PDGFD: variants seen among roughly 807,000 people sequenced by gnomAD.
PDGFD encodes the protein platelet-derived growth factor D.
In PDGFD, 30 loss-of-function variants were observed where a neutral mutation model predicts 44.7. That is an observed-to-expected ratio of 0.67 (90% CI 0.50 to 0.91). The LOEUF is 0.91. PDGFD is among the 40% of genes least tolerant of loss of function. PDGFD has a pLI of 0.00. For synonymous variants in PDGFD, 173 were observed against 168.4 expected, an observed-to-expected ratio of 1.03 and a Z score of -0.21; for missense variants, 445 against 457.8, an observed-to-expected ratio of 0.97 and a Z score of 0.25.
chr11:104,095,059 A>G lies in PDGFD; in HGVS notation c.124+68745T>C, dbSNP rs187782545. Among the ~76,000 whole-genome samples, 298 of 152,084 alleles carry G rather than the reference A, an allele frequency of 2.0e-3. 1 individual carries two copies. Among genetic ancestry groups the G allele is most frequent in the Middle Eastern group, 6.8e-3 (2 of 294 alleles). ...TTTCCTGGTAGGTGCCTGTATATGGACGTATCTTCCCTTCTCTCTTACCTT... is the reference window on the plus strand; with the variant it reads ...TTTCCTGGTAGGTGCCTGTATATGGGCGTATCTTCCCTTCTCTCTTACCTT... On this transcript the variant is annotated intron_variant, in intron 1 of 6. Coordinates refer to ENST00000393158, the MANE Select transcript of PDGFD (RefSeq NM_025208.5).
At chr11:104,072,103 C>T (rs1366086734) in intron 1 of PDGFD, among the ~76,000 whole-genome samples, 5 of 151,686 alleles carry the variant, frequency 3.3e-5, no homozygotes, top group Non-Finnish European at 1.5e-5. Flanking sequence ...AAGTGCAATA[C>T]CACGTTTAGT....
chr11:103,997,662 G>A (rs545117262), intron 2 of PDGFD, among the ~76,000 whole-genome samples: 4 of 152,138 alleles, frequency 2.6e-5, no homozygotes, highest in Non-Finnish European at 4.4e-5. Flanking sequence ...CATCAAGGAG[G>A]CTTTGGAACA....
At chr11:103,939,785 TG>T (rs568779650) in intron 5 of PDGFD, among the ~76,000 whole-genome samples, 573 of 152,218 alleles carry the variant, frequency 3.8e-3, no homozygotes, top group Middle Eastern at 6.8e-3. Context: ...AATTAACTTC[TG>T]GGCAGCTTTG....
chr11:103,926,808 G>T, intron 6 of PDGFD, 104 bp downstream of exon 6: 1 of 1,189,086 alleles, frequency 8.4e-7, no homozygotes, highest in Non-Finnish European at 1.2e-6. Context: ...ACCCTGGCTG[G>T]GTGCCCTTGT....
chr11:104,037,185 T>A, intron 1 of PDGFD: 4 of 1,613,674 alleles, frequency 2.5e-6, no homozygotes, highest in Non-Finnish European at 3.4e-6. Context: ...GCACACCCGC[T>A]GCCCAGCGGT....
At chr11:104,144,867 G>C (rs929695650) in intron 1 of PDGFD, among the ~76,000 whole-genome samples, 1 of 152,094 alleles carries the variant, frequency 6.6e-6, no homozygotes, top group Admixed American at 6.6e-5. Flanking sequence ...CCTCTAAGAA[G>C]CCTTCCAGAG....
intron 1 of PDGFD, among the ~76,000 whole-genome samples, chr11:104,057,528 G>A (rs1860640924): frequency 1.3e-5 from 2 of 152,104 alleles, no homozygotes; most frequent in African/African-American, 4.8e-5. Context: ...CTACTAGAGA[G>A]GAGAGAGGGA....
chr11:104,088,048 C>T (rs1281054477), intron 1 of PDGFD, among the ~76,000 whole-genome samples: 1 of 152,196 alleles, frequency 6.6e-6, no homozygotes, highest in Non-Finnish European at 1.5e-5. Context: ...TCTTCTCTGT[C>T]TTCCTTAGAA....
At chr11:103,956,634 C>T (rs1336981393) in intron 3 of PDGFD, among the ~76,000 whole-genome samples, 1 of 151,836 alleles carries the variant, frequency 6.6e-6, no homozygotes, top group Non-Finnish European at 1.5e-5. Context: ...GAGGAATCGC[C>T]ACACTGACTT....
At chr11:103,991,320 T>C (rs1859448678) in intron 3 of PDGFD, among the ~76,000 whole-genome samples, 2 of 152,096 alleles carry the variant, frequency 1.3e-5, no homozygotes, top group South Asian at 4.1e-4. Context: ...CCTCCTCTCT[T>C]CCTTCTCCTC....
chr11:103,955,447 T>C (rs569223832), intron 3 of PDGFD, among the ~76,000 whole-genome samples: 4 of 152,288 alleles, frequency 2.6e-5, no homozygotes, highest in South Asian at 2.1e-4. Flanking sequence ...ATTACACTAA[T>C]GTCTTAACGT....
At chr11:104,111,710 A>G (rs1051949564) in intron 1 of PDGFD, among the ~76,000 whole-genome samples, 1 of 152,150 alleles carries the variant, frequency 6.6e-6, no homozygotes, top group Non-Finnish European at 1.5e-5. Context: ...TTTTAGGCAC[A>G]TGTTTCTTCC....
chr11:104,009,916 G>C (rs961025690), intron 1 of PDGFD, among the ~76,000 whole-genome samples: 1 of 152,072 alleles, frequency 6.6e-6, no homozygotes, highest in African/African-American at 2.4e-5. Flanking sequence ...ACTATTAATA[G>C]GACGGTCTTC....
chr11:104,102,936 G>A (rs1228274484), intron 1 of PDGFD, among the ~76,000 whole-genome samples: 2 of 152,118 alleles, frequency 1.3e-5, no homozygotes, highest in East Asian at 3.9e-4. Flanking sequence ...TGTGGGCTGG[G>A]GGGAGAGGGG....
At chr11:103,916,289 A>T (rs1343415035) in intron 6 of PDGFD, among the ~76,000 whole-genome samples, 2 of 151,336 alleles carry the variant, frequency 1.3e-5, no homozygotes, top group Non-Finnish European at 2.9e-5. Context: ...ATATGAGCAG[A>T]CACTTCTCAA....
intron 1 of PDGFD, among the ~76,000 whole-genome samples, chr11:104,064,428 G>A (rs1304499064): frequency 6.6e-6 from 1 of 152,140 alleles, no homozygotes; most frequent in East Asian, 1.9e-4. Flanking sequence ...TTTCCGTGAG[G>A]CAGGCAGATG....
intron 1 of PDGFD, chr11:104,038,205 G>A: frequency 1.6e-6 from 1 of 611,918 alleles, no homozygotes; most frequent in East Asian, 2.9e-5. Context: ...CATTTCCCTT[G>A]TCCAGAGATC....
intron 1 of PDGFD, among the ~76,000 whole-genome samples, chr11:104,123,130 C>T (rs1861800807): frequency 6.6e-6 from 1 of 151,752 alleles, no homozygotes; most frequent in Non-Finnish European, 1.5e-5. Flanking sequence ...AGAAATAATC[C>T]ACTTCTGTTT....
chr11:104,124,352 A>G (rs529920841), intron 1 of PDGFD, among the ~76,000 whole-genome samples: 24 of 152,240 alleles, frequency 1.6e-4, no homozygotes, highest in African/African-American at 5.1e-4. Flanking sequence ...ATATTGAGCC[A>G]CTAACTGTGA....
Sources: allele counts gnomAD v4.1 joint callset (sites outside exome capture counted in the v4.1 genomes callset), GRCh38; gene constraint gnomAD v4.1.1; transcripts MANE v1.5; gene names NCBI Gene and HGNC (gene_info 2026-07-23, HGNC 2026-07-21).